Variants in NECTIN2 observed in about 807,000 individuals in gnomAD.
NECTIN2 encodes the protein nectin cell adhesion molecule 2.
In NECTIN2, 23 loss-of-function variants were observed where a neutral mutation model predicts 56.9. The ratio of observed to expected loss-of-function variants is 0.40; its 90% CI spans 0.29 to 0.57. The LOEUF (loss-of-function observed/expected upper bound fraction) is 0.57. Ranked by LOEUF, NECTIN2 falls within the 20% of genes least tolerant of loss-of-function variation. NECTIN2 has a pLI of 0.38. For missense variants in NECTIN2, 587 were observed against 718.3 expected (o/e 0.82, Z 2.09); for synonymous variants, 302 against 313.8 (o/e 0.96, Z 0.40).
At chr19:44,887,870 G>A (rs1395651899) in intron 8 of NECTIN2, among the ~76,000 whole-genome samples, 3 of 152,156 alleles carry the variant, frequency 2.0e-5, no homozygotes, top group Non-Finnish European at 4.4e-5. Context: ...AAGATTTGCA[G>A]AGATCGAGTG....
intron 2 of NECTIN2, among the ~76,000 whole-genome samples, chr19:44,866,539 C>T (rs144672501): frequency 6.6e-6 from 1 of 152,096 alleles, no homozygotes; most frequent in African/African-American, 2.4e-5. Flanking sequence ...CTCTGGGTAT[C>T]TAAGGGAAGA....
intron 2 of NECTIN2, among the ~76,000 whole-genome samples, chr19:44,868,071 G>A (rs149529419): frequency 0.012 from 1,795 of 152,128 alleles, 17 homozygotes; most frequent in Non-Finnish European, 0.014. Context: ...GGATCAGAGA[G>A]GAGTCCCAGG....
chr19:44,866,942 G>A (rs1969107985), intron 2 of NECTIN2, among the ~76,000 whole-genome samples: 1 of 152,188 alleles, frequency 6.6e-6, no homozygotes, highest in African/African-American at 2.4e-5. Context: ...GGAGGCCGAG[G>A]TGGGAGGATC....
At chr19:44,855,078 GCT>G (rs2122636601) in intron 1 of NECTIN2, among the ~76,000 whole-genome samples, 2 of 124,894 alleles carry the variant, frequency 1.6e-5, no homozygotes, top group Non-Finnish European at 3.3e-5. Flanking sequence ...AGATCGCGCT[GCT>G]GCACTCCAGC....
In NECTIN2 at chr19:44,872,300, C is replaced by T. The variant is rs889837356; in HGVS notation, c.775+151C>T. On this transcript the variant is annotated intron_variant, in intron 3 of 8. Transcript: ENST00000252483. ...TCCTGCCATTGTCTACACTGGCTCCCATGGGCAAATCTACATACTTCCCCC... is the reference window on the plus strand; with the variant it reads ...TCCTGCCATTGTCTACACTGGCTCCTATGGGCAAATCTACATACTTCCCCC... 3.4e-5 allele frequency: 27 copies of T among 795,436 alleles called. No individual in the cohort carries two copies. The African/African-American group carries it at 4.7e-4, about 14-fold the overall frequency. The allele number at this position is 795,436 out of a possible 1,614,324, so 49.3% of individuals were successfully genotyped here.
rs1242722521 is a variant in NECTIN2, at chr19:44,871,965, C to G, written c.591C>G (p.Leu197=). 6.2e-6 allele frequency: 10 copies of G among 1,614,182 alleles called. No individual in the cohort carries two copies. The highest frequency in any genetic ancestry group is 2.2e-5 in the South Asian group (2 of 91,088). ...EGRPPARISW[L]SSLDWEAKET... ...GCCCACCTGCCCGGATCTCCTGGCTCTCATCCCTGGACTGGGAAGCCAAAG... is the reference window on the plus strand; with the variant it reads ...GCCCACCTGCCCGGATCTCCTGGCTGTCATCCCTGGACTGGGAAGCCAAAG... The change falls in exon 3 of 9, where the codon CTC becomes CTG. Residue 197 remains leucine (L), a synonymous_variant. Transcript: ENST00000252483.
At chr19:44,866,628 G>T (rs1969104631) in intron 2 of NECTIN2, among the ~76,000 whole-genome samples, 1 of 152,062 alleles carries the variant, frequency 6.6e-6, no homozygotes, top group Non-Finnish European at 1.5e-5. Context: ...CAGGAAGGAA[G>T]TCAGGGTGGC....
Position 44,847,604 on chromosome 19 carries a change from A to G in NECTIN2, c.88+991A>G, listed in dbSNP as rs190641591. Among the ~76,000 whole-genome samples the G allele has an allele frequency of 1.4e-3, 206 of 152,222 alleles. 1 individual carries two copies. The highest frequency in any genetic ancestry group is 4.8e-3 in the African/African-American group (199 of 41,558). ...CTCAGTCGCCTGAGTCCCAGATAGA[A>G]CGGGAGGCCCCGAGTCCCAGAGGCT... On this transcript the variant is annotated intron_variant, in intron 1 of 8. Transcript: ENST00000252483.
chr19:44,856,325 C>T (rs1279934191), intron 1 of NECTIN2, among the ~76,000 whole-genome samples: 1 of 152,160 alleles, frequency 6.6e-6, no homozygotes, highest in African/African-American at 2.4e-5. Flanking sequence ...GACCTATTAG[C>T]CTCCTCCCCA....
chr19:44,874,422 G>A lies in NECTIN2; in HGVS notation c.986G>A (p.Cys329Tyr). Reference protein sequence around the residue: ...VDSLFNTTFVCTVTNAVGMGR... With the variant: ...VDSLFNTTFVYTVTNAVGMGR... ...AGTCTGTTCAATACCACCTTCGTCT[G>A]CACAGTCACCAATGCCGTGGGCATG... The change falls in exon 5 of 9, where the codon TGC (cysteine) becomes TAC (tyrosine). Residue 329 changes from cysteine (C) to tyrosine (Y), a missense_variant. Physicochemically the swap from Cys to Tyr is radical, Grantham distance 194. Coordinates refer to ENST00000252483, the MANE Select transcript of NECTIN2 (RefSeq NM_001042724.2). This position sits in a 1 kb window ranked among gnomAD's most constrained non-coding sequence, Gnocchi z 6.3. 1 of 1,614,076 alleles carries A rather than the reference G, an allele frequency of 6.2e-7. No individual in the cohort carries two copies. Among genetic ancestry groups the A allele is most frequent in the Non-Finnish European group, 8.5e-7 (1 of 1,180,026 alleles).
intron 1 of NECTIN2, among the ~76,000 whole-genome samples, chr19:44,864,083 C>T (rs541354485): frequency 1.1e-4 from 17 of 150,372 alleles, no homozygotes; most frequent in South Asian, 1.1e-3. Context: ...GCCTATAATC[C>T]CAGCACTTTG....
chr19:44,862,363 C>T (rs929308355), intron 1 of NECTIN2, among the ~76,000 whole-genome samples: 5 of 150,558 alleles, frequency 3.3e-5, no homozygotes, highest in African/African-American at 9.8e-5. Context: ...TGCAGTGAGC[C>T]GAGATGGCAC....
At chr19:44,857,706 T>TTG (rs1170740622) in intron 1 of NECTIN2, among the ~76,000 whole-genome samples, 2 of 46,608 alleles carry the variant, frequency 4.3e-5, no homozygotes, top group Non-Finnish European at 9.4e-5. Flanking sequence ...CGGGTTTTTG[T>TTG]TTTTGTTTTT....
chr19:44,874,312 G>A lies in NECTIN2; in HGVS notation c.894-18G>A, dbSNP rs1281138318. On this transcript the variant is annotated intron_variant, in intron 4 of 8. Coordinates refer to ENST00000252483, the MANE Select transcript of NECTIN2 (RefSeq NM_001042724.2). This position sits in a 1 kb window ranked among gnomAD's most constrained non-coding sequence, Gnocchi z 6.3. ...CTCGACCTTGGTATCCCTCTCACCTGACCCCACACCCCTCCAGGACCTCAG... is the reference window on the plus strand; with the variant it reads ...CTCGACCTTGGTATCCCTCTCACCTAACCCCACACCCCTCCAGGACCTCAG... 2 of 1,613,084 alleles carry A rather than the reference G, an allele frequency of 1.2e-6. No individual in the cohort carries two copies.
chr19:44,861,432 A>AG (rs1969030552), intron 1 of NECTIN2, among the ~76,000 whole-genome samples: 1 of 152,234 alleles, frequency 6.6e-6, no homozygotes, highest in Non-Finnish European at 1.5e-5. Context: ...GATAAAGAAA[A>AG]TGTGGTCTAT....
intron 8 of NECTIN2, among the ~76,000 whole-genome samples, chr19:44,887,453 G>A (rs1467264296): frequency 6.6e-6 from 1 of 151,956 alleles, no homozygotes; most frequent in Non-Finnish European, 1.5e-5. Flanking sequence ...AGACCAGCCT[G>A]GCCAACATGG....
chr19:44,878,820 C>G (rs1359172494), intron 5 of NECTIN2: 59 of 1,381,822 alleles, frequency 4.3e-5, no homozygotes, highest in Non-Finnish European at 5.4e-5. Flanking sequence ...ATGGGGAGCC[C>G]GGGGAGCTGA....
At chr19:44,869,997 A>G (rs1434295967) in intron 2 of NECTIN2, among the ~76,000 whole-genome samples, 2 of 152,154 alleles carry the variant, frequency 1.3e-5, no homozygotes, top group African/African-American at 4.8e-5. Flanking sequence ...GAGCTTCCGT[A>G]TACACACTGG....
At chr19:44,850,365 C>T (rs929608898) in intron 1 of NECTIN2, among the ~76,000 whole-genome samples, 1 of 152,090 alleles carries the variant, frequency 6.6e-6, no homozygotes, top group Non-Finnish European at 1.5e-5. Flanking sequence ...TTTCAAGAAG[C>T]CAGGCATGGT....
Sources: allele counts gnomAD v4.1 joint callset (sites outside exome capture counted in the v4.1 genomes callset), GRCh38; gene constraint gnomAD v4.1.1; non-coding constraint Gnocchi (gnomAD v3.1); transcripts MANE v1.5; gene names NCBI Gene and HGNC (gene_info 2026-07-23, HGNC 2026-07-21).